ITSN1: variants seen among roughly 807,000 people sequenced by gnomAD.
The protein encoded by ITSN1 is intersectin-1.
A neutral mutation model predicts 239.8 loss-of-function variants in ITSN1; 58 were observed. The ratio of observed to expected loss-of-function variants is 0.24; its 90% CI spans 0.20 to 0.30. ITSN1 has a LOEUF of 0.30. ITSN1 is among the 10% of genes least tolerant of loss of function. The pLI is 1.00. For missense variants in ITSN1, 1,558 were observed against 2,103.3 expected (o/e 0.74, Z 5.07); for synonymous variants, 780 against 770.8 (o/e 1.01, Z -0.20).
At chr21:33,809,007 C>T (rs1178373395) in intron 20 of ITSN1, among the ~76,000 whole-genome samples, 1 of 152,166 alleles carries the variant, frequency 6.6e-6, no homozygotes, top group Non-Finnish European at 1.5e-5. Context: ...TAATGTGTCA[C>T]CATATCACCA....
At chr21:33,867,940 A>G (rs1981934144) in intron 33 of ITSN1, among the ~76,000 whole-genome samples, 1 of 152,062 alleles carries the variant, frequency 6.6e-6, no homozygotes, top group African/African-American at 2.4e-5. Flanking sequence ...TCGCTAGCTC[A>G]GGAGTGAAGC....
chr21:33,706,930 C>T (rs938926318), intron 1 of ITSN1, among the ~76,000 whole-genome samples: 2 of 152,122 alleles, frequency 1.3e-5, no homozygotes, highest in Non-Finnish European at 2.9e-5. Flanking sequence ...ACCATGTTAG[C>T]CAGGCTGGTG....
intron 19 of ITSN1, among the ~76,000 whole-genome samples, chr21:33,800,743 C>CTAAA (rs1360575226): frequency 6.6e-6 from 1 of 150,960 alleles, no homozygotes; most frequent in African/African-American, 2.4e-5. Context: ...TAGTTACTCT[C>CTAAA]TTTAGAGTCT....
chr21:33,868,641 G>T (rs1245043086), intron 33 of ITSN1, among the ~76,000 whole-genome samples: 1 of 152,232 alleles, frequency 6.6e-6, no homozygotes, highest in Non-Finnish European at 1.5e-5. Flanking sequence ...ACGCCCACCC[G>T]GAACTCCAGC....
chr21:33,804,086 G>C (rs995277466), intron 20 of ITSN1, among the ~76,000 whole-genome samples: 2 of 152,136 alleles, frequency 1.3e-5, no homozygotes, highest in African/African-American at 4.8e-5. Flanking sequence ...CAACATTACT[G>C]TCAGTCTCCC....
intron 31 of ITSN1, among the ~76,000 whole-genome samples, chr21:33,863,171 G>A (rs1408720391): frequency 6.6e-6 from 1 of 152,204 alleles, no homozygotes; most frequent in Non-Finnish European, 1.5e-5. Flanking sequence ...ACCCATGACT[G>A]AATCTAATAG....
intron 39 of ITSN1, 128 bp from the exon 40 acceptor site, chr21:33,888,024 G>A (rs1222699624): frequency 1.1e-6 from 1 of 887,714 alleles, no homozygotes; most frequent in African/African-American, 1.7e-5. Flanking sequence ...CCTAGTGTTG[G>A]TTTACATCAG....
chr21:33,699,579 T>C (rs752346008), intron 1 of ITSN1, among the ~76,000 whole-genome samples: 11 of 152,056 alleles, frequency 7.2e-5, no homozygotes, highest in Non-Finnish European at 1.6e-4. Flanking sequence ...ATTAGCCAGG[T>C]GTGGTGGTAC....
chr21:33,843,038 C>T (rs1391993790), intron 29 of ITSN1, among the ~76,000 whole-genome samples: 3 of 152,036 alleles, frequency 2.0e-5, no homozygotes, highest in African/African-American at 4.8e-5. Context: ...TGCGGTGGAG[C>T]GCAGGATGTT....
intron 4 of ITSN1, among the ~76,000 whole-genome samples, chr21:33,723,327 C>A (rs573400384): frequency 1.3e-5 from 2 of 152,136 alleles, no homozygotes; most frequent in East Asian, 3.9e-4. Flanking sequence ...GAAGAAAGAG[C>A]ATGTAGGCTG....
chr21:33,752,788 A>G (rs556235915), intron 7 of ITSN1, among the ~76,000 whole-genome samples: 1 of 149,156 alleles, frequency 6.7e-6, no homozygotes, highest in African/African-American at 2.5e-5. Context: ...GTAAGCTGTG[A>G]TTGTGCCACT....
At chr21:33,750,529 T>C (rs79018145) in intron 6 of ITSN1, among the ~76,000 whole-genome samples, 106 of 152,362 alleles carry the variant, frequency 7.0e-4, no homozygotes, top group African/African-American at 2.5e-3. Flanking sequence ...AAGAGAATTA[T>C]AGATTTCTGG....
chr21:33,798,700 C>T (rs2071750451), intron 18 of ITSN1, among the ~76,000 whole-genome samples: 1 of 152,136 alleles, frequency 6.6e-6, no homozygotes, highest in South Asian at 2.1e-4. Context: ...CACTTTCAAG[C>T]TATTCTGTAA....
intron 4 of ITSN1, among the ~76,000 whole-genome samples, chr21:33,725,311 T>G (rs927335839): frequency 6.6e-6 from 1 of 151,944 alleles, no homozygotes; most frequent in East Asian, 1.9e-4. Context: ...GATTTTGGTA[T>G]TTTTAGTAGA....
chr21:33,818,020 A>G (rs1386883991), intron 22 of ITSN1: 3 of 512,430 alleles, frequency 5.9e-6, no homozygotes, highest in Non-Finnish European at 1.0e-5. Flanking sequence ...TTTGAAATAG[A>G]GAGTTCTAGA....
chr21:33,653,478 A>G (rs753850853), intron 1 of ITSN1, among the ~76,000 whole-genome samples: 4 of 151,934 alleles, frequency 2.6e-5, no homozygotes, highest in Admixed American at 6.6e-5. Flanking sequence ...ATAAAGGACC[A>G]TTTTCATTCC....
chr21:33,684,550 C>T (rs1424619794), intron 1 of ITSN1, among the ~76,000 whole-genome samples: 1 of 151,974 alleles, frequency 6.6e-6, no homozygotes, highest in African/African-American at 2.4e-5. Context: ...TACTTAAAAC[C>T]TGTATTTGGG....
chr21:33,886,211 A>T (rs932450950), intron 38 of ITSN1, 76 bp from the exon 39 acceptor site: 31 of 142,490 alleles, frequency 2.2e-4, no homozygotes, highest in Admixed American at 3.1e-4. Context: ...GAATCCATCT[A>T]AAAAAAAAAA....
chr21:33,817,864 T>C, intron 22 of ITSN1: 1 of 324,766 alleles, frequency 3.1e-6, no homozygotes, highest in South Asian at 3.3e-5. Flanking sequence ...GTTCATAAAA[T>C]GTCTGCTCCA....
Sources: allele counts gnomAD v4.1 joint callset (sites outside exome capture counted in the v4.1 genomes callset), GRCh38; gene constraint gnomAD v4.1.1; transcripts MANE v1.5; gene names NCBI Gene and HGNC (gene_info 2026-07-23, HGNC 2026-07-21).